Variants in KIAA0319L observed in about 807,000 individuals in gnomAD.
KIAA0319L encodes KIAA0319 like, also known as dyslexia-associated protein KIAA0319-like protein.
In KIAA0319L, 55 loss-of-function variants were observed where a neutral mutation model predicts 120.1. The ratio of observed to expected loss-of-function variants is 0.46; its 90% CI spans 0.37 to 0.57. The LOEUF is 0.57. KIAA0319L is among the 20% of genes least tolerant of loss of function. The pLI is 0.00. For synonymous variants in KIAA0319L, 398 were observed against 471.9 expected, an observed-to-expected ratio of 0.84 and a Z score of 2.03; for missense variants, 1,049 against 1,255.3, an observed-to-expected ratio of 0.84 and a Z score of 2.48.
intron 16 of KIAA0319L, among the ~76,000 whole-genome samples, chr1:35,447,574 CTT>C (rs113794462): frequency 3.5e-5 from 5 of 141,236 alleles, no homozygotes; most frequent in Non-Finnish European, 1.5e-5. Context: ...CTTTTTTTTT[CTT>C]TTTTTTTTTT....
In KIAA0319L at chr1:35,442,329, G is replaced by C; in HGVS notation, c.2787C>G (p.Ser929Arg). The change falls in exon 19 of 21, where the codon AGC becomes AGG. Residue 929 changes from serine (S) to arginine (R), a missense_variant. Ser to Arg is a moderately radical substitution (Grantham distance 110, BLOSUM62 -1). Coordinates refer to ENST00000325722, the MANE Select transcript of KIAA0319L (RefSeq NM_024874.5). Reference protein sequence around the residue: ...LRDGDSNCEWSVLYVIIATFV... With the variant: ...LRDGDSNCEWRVLYVIIATFV... The stretch of plus-strand genomic sequence containing the variant: ...AGGTAGCAATGATAACATATAACAC[G>C]CTCCACTCTGCCAAGAAAATCAAAA... 1 of 1,612,632 alleles carries C rather than the reference G, an allele frequency of 6.2e-7. No homozygotes were observed. Among genetic ancestry groups the C allele is most frequent in the Admixed American group, 1.7e-5 (1 of 60,020 alleles).
intron 9 of KIAA0319L, 62 bp downstream of exon 9, chr1:35,460,243 G>GAGTTACTCA: frequency 7.2e-7 from 1 of 1,396,184 alleles, no homozygotes; most frequent in Non-Finnish European, 1.0e-6. Flanking sequence ...ATATAACAAT[G>GAGTTACTCA]TAAAACCCAC....
intron 3 of KIAA0319L, among the ~76,000 whole-genome samples, chr1:35,481,603 A>AC (rs547671841): frequency 9.9e-5 from 15 of 151,866 alleles, no homozygotes; most frequent in South Asian, 2.1e-4. Context: ...CCAAATTTTT[A>AC]CCCCCCCTTT....
At chr1:35,440,738 C>A (rs531012233) in intron 20 of KIAA0319L, 50 of 380,880 alleles carry the variant, frequency 1.3e-4, no homozygotes, top group Middle Eastern at 7.9e-4. Flanking sequence ...GGTCCCTGAC[C>A]CTGACTACCT....
chr1:35,517,417 C>G (rs374414845), intron 2 of KIAA0319L, among the ~76,000 whole-genome samples: 1 of 152,072 alleles, frequency 6.6e-6, no homozygotes, highest in South Asian at 2.1e-4. Context: ...CACACACCTA[C>G]GAACATCTGA....
chr1:35,487,034 T>C (rs955524024), intron 3 of KIAA0319L, among the ~76,000 whole-genome samples: 3 of 152,248 alleles, frequency 2.0e-5, no homozygotes, highest in Non-Finnish European at 4.4e-5. Flanking sequence ...ACTGCCTTTT[T>C]TTCCCTGCGT....
At chr1:35,518,268 G>A (rs1645763108) in intron 2 of KIAA0319L, among the ~76,000 whole-genome samples, 3 of 152,128 alleles carry the variant, frequency 2.0e-5, no homozygotes, top group Admixed American at 2.0e-4. Context: ...ATGCATGTGA[G>A]TGTTCATTAC....
intron 4 of KIAA0319L, among the ~76,000 whole-genome samples, chr1:35,477,679 A>C (rs953732098): frequency 2.0e-5 from 3 of 149,930 alleles, no homozygotes; most frequent in East Asian, 3.9e-4. Context: ...AAAAAAAAAA[A>C]AAAAAAAAAC....
At chr1:35,477,665 T>G (rs1460381683) in intron 4 of KIAA0319L, among the ~76,000 whole-genome samples, 1 of 70,306 alleles carries the variant, frequency 1.4e-5, no homozygotes, top group Non-Finnish European at 2.3e-5. Context: ...AGACTCTGTC[T>G]CAAAAAAAAA....
chr1:35,469,013 T>G (rs537774526), intron 6 of KIAA0319L, among the ~76,000 whole-genome samples: 1 of 152,178 alleles, frequency 6.6e-6, no homozygotes, highest in East Asian at 1.9e-4. Context: ...GCACATGGTA[T>G]GAATTCAATA....
intron 2 of KIAA0319L, among the ~76,000 whole-genome samples, chr1:35,516,958 T>C (rs1184248452): frequency 2.0e-5 from 3 of 151,784 alleles, no homozygotes; most frequent in Non-Finnish European, 4.4e-5. Flanking sequence ...CATTTGCAAT[T>C]GCCACAAAAA....
chr1:35,528,482 A>C (rs1054504326), intron 2 of KIAA0319L, among the ~76,000 whole-genome samples: 6 of 152,198 alleles, frequency 3.9e-5, no homozygotes, highest in Admixed American at 3.3e-4. Flanking sequence ...TGGTCTGAGA[A>C]GATACTTGAT....
rs758064021 is a variant in KIAA0319L at position 35,554,516 on chromosome 1, T to C, written c.-25A>G. 5.1e-6 allele frequency: 8 copies of C among 1,564,236 alleles called. No individual in the cohort carries two copies. Among genetic ancestry groups the C allele is most frequent in the Admixed American group, 2.1e-5 (1 of 47,856 alleles). ...TGGCCCTCCAGACAGGCAGAACCAGTACACTAGAAGGACAGAAAGAGAAGA... is the reference window on the plus strand; with the variant it reads ...TGGCCCTCCAGACAGGCAGAACCAGCACACTAGAAGGACAGAAAGAGAAGA... On this transcript the variant is annotated 5_prime_UTR_variant, in exon 2 of 21. Transcript: ENST00000325722.
chr1:35,534,463 A>G (rs1296862134), intron 2 of KIAA0319L, among the ~76,000 whole-genome samples: 1 of 152,244 alleles, frequency 6.6e-6, no homozygotes, highest in East Asian at 1.9e-4. Flanking sequence ...TGAATCTTGC[A>G]GTACTTTGCT....
In KIAA0319L at chr1:35,506,875, G is replaced by C; in HGVS notation, c.403C>G (p.Gln135Glu). Residue 135 changes from glutamine to glutamate, a missense_variant, in exon 3 of 21, where the codon CAA (glutamine) becomes GAA (glutamate). Coordinates refer to ENST00000325722, the MANE Select transcript of KIAA0319L (RefSeq NM_024874.5). The surrounding 1 kb of genome is among the most constrained non-coding windows in gnomAD (Gnocchi z 4.0). ...NSMLVFLKKFQTADDLGFLPE... is the reference protein window; with the variant it reads ...NSMLVFLKKFETADDLGFLPE... ...AGAAAGCCCAAATCATCTGCAGTTT[G>C]GAATTTTTTTAAAAACACCAGCATG... The C allele has an allele frequency of 6.2e-7, 1 of 1,614,178 alleles. No individual in the cohort carries two copies. The highest frequency in any genetic ancestry group is 8.5e-7 in the Non-Finnish European group (1 of 1,180,036).
intron 3 of KIAA0319L, among the ~76,000 whole-genome samples, chr1:35,481,630 G>C (rs1644168363): frequency 6.6e-6 from 1 of 151,794 alleles, no homozygotes; most frequent in Non-Finnish European, 1.5e-5. Context: ...CTTTATTAAG[G>C]TATAATTGAC....
rs528629414 is a variant in KIAA0319L, at chr1:35,521,701, G to A, written c.143-14566C>T. On this transcript the variant is annotated intron_variant, in intron 2 of 20. Coordinates refer to ENST00000325722, the MANE Select transcript of KIAA0319L (RefSeq NM_024874.5). ...ATAAATAAATAAGTAGGCCGAGAGC[G>A]GTGGCTCACGCCTGTAATCCCAGCA... is the stretch of plus-strand genomic sequence containing the variant. Among the ~76,000 whole-genome samples the A allele has an allele frequency of 1.3e-4, 19 of 142,996 alleles. No individual in the cohort carries two copies. The South Asian group carries it at 3.1e-3, about 23-fold the overall frequency. The allele number at this position is 142,996 out of a possible 152,430, so 93.8% of individuals were successfully genotyped here.
chr1:35,502,461 C>T (rs571937146), intron 3 of KIAA0319L, among the ~76,000 whole-genome samples: 23 of 144,192 alleles, frequency 1.6e-4, no homozygotes, highest in Admixed American at 5.0e-4. Context: ...ATCATCATCA[C>T]CATCACCATC....
chr1:35,481,350 A>G (rs1412594217), intron 3 of KIAA0319L, among the ~76,000 whole-genome samples: 1 of 152,192 alleles, frequency 6.6e-6, no homozygotes, highest in Non-Finnish European at 1.5e-5. Flanking sequence ...ACTTTGTAAG[A>G]AACTATGAAC....
Sources: gnomAD v4.1 joint callset for allele counts (sites outside exome capture counted in the v4.1 genomes callset) on GRCh38, gnomAD v4.1.1 for gene constraint, Gnocchi (gnomAD v3.1) non-coding constraint, MANE v1.5 for transcripts, NCBI Gene and HGNC (gene_info 2026-07-23, HGNC 2026-07-21) for gene names.